PTRH2: variants seen among roughly 807,000 people sequenced by gnomAD.
PTRH2 encodes peptidyl-tRNA hydrolase 2.
A neutral mutation model predicts 12.3 loss-of-function variants in PTRH2; 10 were observed. That is an observed-to-expected ratio of 0.81 (90% CI 0.50 to 1.38). The LOEUF (loss-of-function observed/expected upper bound fraction) is 1.38, where lower values mean the gene tolerates loss of function less well. PTRH2 is among the 40% of genes most tolerant of loss of function. The pLI, the probability that PTRH2 is intolerant of heterozygous loss-of-function variation, is 0.00. For missense variants in PTRH2, 176 were observed against 214.1 expected, an observed-to-expected ratio of 0.82 and a Z score of 1.11; for synonymous variants, 73 against 77.4, an observed-to-expected ratio of 0.94 and a Z score of 0.30.
chr17:59,697,876 C>A lies in PTRH2; in HGVS notation c.103G>T (p.Val35Leu), dbSNP rs1211928493. 2 of 1,614,174 alleles carry A rather than the reference C, an allele frequency of 1.2e-6. No individual in the cohort carries two copies. Among genetic ancestry groups the A allele is most frequent in the African/African-American group, 1.3e-5 (1 of 75,042 alleles). ...CTTTTGGGGAGCATCCCAAAGCATA[C>A]TCGAAGGCTCCAGCCCAGGCACATG... ...CGMCLGWSLR[V>L]CFGMLPKSKT... Residue 35 changes from valine to leucine, a missense_variant, in exon 2 of 2, where the codon GTA becomes TTA. Val to Leu is a conservative substitution (Grantham distance 32, BLOSUM62 1). Coordinates refer to ENST00000393038, the MANE Select transcript of PTRH2 (RefSeq NM_016077.5).
intron 1 of PTRH2, among the ~76,000 whole-genome samples, chr17:59,703,822 T>C (rs1209059236): frequency 1.7e-5 from 2 of 121,004 alleles, no homozygotes; most frequent in Non-Finnish European, 3.5e-5. Flanking sequence ...TTGTTCTTTT[T>C]TTTGGAGACG....
chr17:59,699,858 T>C (rs2033524297), intron 1 of PTRH2: 1 of 152,664 alleles, frequency 6.6e-6, no homozygotes, highest in Non-Finnish European at 1.5e-5. Flanking sequence ...CTTCTTCATC[T>C]CACCAGAAAC....
intron 1 of PTRH2, chr17:59,699,847 T>C (rs1304696368): frequency 6.5e-6 from 1 of 152,742 alleles, no homozygotes; most frequent in African/African-American, 2.4e-5. Context: ...ATTGCCTTCC[T>C]CTTCTTCATC....
At chr17:59,698,678 CA>C (rs1216990226) in intron 1 of PTRH2, 14 of 539,198 alleles carry the variant, frequency 2.6e-5, no homozygotes, top group Non-Finnish European at 3.9e-5. Flanking sequence ...TACTGTAAGC[CA>C]AAAATGCATT....
chr17:59,699,080 T>C, intron 1 of PTRH2: 1 of 562,920 alleles, frequency 1.8e-6, no homozygotes, highest in Non-Finnish European at 3.2e-6. Flanking sequence ...AGATACCAAG[T>C]TTTGACCGTA....
chr17:59,701,917 G>A (rs1011164470), intron 1 of PTRH2, among the ~76,000 whole-genome samples: 15 of 150,972 alleles, frequency 9.9e-5, no homozygotes, highest in Admixed American at 7.9e-4. Flanking sequence ...TGTTAGCCAG[G>A]ATGGTCTCAA....
At chr17:59,707,088 T>G (rs757861282) in intron 1 of PTRH2, 6 of 152,286 alleles carry the variant, frequency 3.9e-5, no homozygotes, top group Non-Finnish European at 7.4e-5. Context: ...GCTCGCTATT[T>G]TATCAATTTC....
intron 1 of PTRH2, chr17:59,698,793 CT>C: frequency 1.5e-6 from 1 of 689,034 alleles, no homozygotes; most frequent in South Asian, 1.6e-5. Context: ...ACACGAGGCT[CT>C]TTTATAATAG....
At position 59,697,310 on chromosome 17, in the gene PTRH2, A is replaced by C; in HGVS notation, c.*129T>G. On this transcript the variant is annotated 3_prime_UTR_variant, in exon 2 of 2. Coordinates refer to ENST00000393038, the MANE Select transcript of PTRH2 (RefSeq NM_016077.5). ...CAAGATGACAACTGCCAACCATAGAACATGGGAATAGGTTTTATTTTCATC... is the reference window on the plus strand; with the variant it reads ...CAAGATGACAACTGCCAACCATAGACCATGGGAATAGGTTTTATTTTCATC... 1 of 1,133,744 alleles carries C rather than the reference A, an allele frequency of 8.8e-7. No individual in the cohort carries two copies. The highest frequency in any genetic ancestry group is 1.6e-5 in the South Asian group (1 of 60,752). The allele number at this position is 1,133,744 out of a possible 1,614,324, so 70.2% of individuals were successfully genotyped here.
At chr17:59,700,643 A>T (rs1367831803) in intron 1 of PTRH2, 2 of 152,236 alleles carry the variant, frequency 1.3e-5, no homozygotes, top group Non-Finnish European at 2.9e-5. Context: ...AAGAAAAAGC[A>T]ATGGATATAA....
chr17:59,698,265 T>C, intron 1 of PTRH2: 1 of 412,320 alleles, frequency 2.4e-6, no homozygotes, highest in East Asian at 4.3e-5. Flanking sequence ...TCCCTTAGTC[T>C]TGTGGAGATG....
intron 1 of PTRH2, among the ~76,000 whole-genome samples, chr17:59,702,485 A>G (rs1443173522): frequency 6.6e-6 from 1 of 151,998 alleles, no homozygotes; most frequent in Non-Finnish European, 1.5e-5. Flanking sequence ...TACAGATAAA[A>G]CTTCACTCAG....
chr17:59,697,624 T>G lies in PTRH2; in HGVS notation c.355A>C (p.Lys119Gln), dbSNP rs566455259. ...EYCGQPKVVVKAPDEETLIAL... is the reference protein window; with the variant it reads ...EYCGQPKVVVQAPDEETLIAL... ...ATCAGGGTTTCTTCATCAGGAGCTT[T>G]GACCACCACCTTGGGCTGGCCACAG... Residue 119 changes from lysine to glutamine, a missense_variant, in exon 2 of 2, where the codon AAA becomes CAA. Coordinates refer to ENST00000393038, the MANE Select transcript of PTRH2 (RefSeq NM_016077.5). 2.2e-5 allele frequency: 35 copies of G among 1,614,236 alleles called. No homozygotes were observed. In the South Asian group the frequency reaches 3.6e-4, roughly 17 times the overall value.
chr17:59,705,425 A>T (rs891603625), intron 1 of PTRH2, among the ~76,000 whole-genome samples: 1 of 150,718 alleles, frequency 6.6e-6, no homozygotes, highest in South Asian at 2.1e-4. Context: ...CTTTTTCTTT[A>T]TTTTTTTTTA....
At chr17:59,699,143 C>T (rs2033509035) in intron 1 of PTRH2, 1 of 321,592 alleles carries the variant, frequency 3.1e-6, no homozygotes, top group South Asian at 3.4e-5. Flanking sequence ...CAAGAGCATC[C>T]TGTATCTGCG....
chr17:59,702,824 A>G (rs939570703), intron 1 of PTRH2, among the ~76,000 whole-genome samples: 2 of 152,212 alleles, frequency 1.3e-5, no homozygotes, highest in African/African-American at 4.8e-5. Flanking sequence ...CTTTACCCAT[A>G]CAAACATTCT....
In PTRH2 at chr17:59,697,799, T is replaced by A. The variant is rs1393577280; in HGVS notation, c.180A>T (p.Gly60=). Residue 60 remains glycine, a synonymous_variant, in exon 2 of 2, where the codon GGA becomes GGT. Coordinates refer to ENST00000393038, the MANE Select transcript of PTRH2 (RefSeq NM_016077.5). ...GAATCATCTTGTACTCCCCGCTGTC[T>A]CCCAAGATGCTTGCTTCACTTTCAG... is the stretch of plus-strand genomic sequence containing the variant. The part of the protein sequence containing the change: ...TDTESEASIL[G]DSGEYKMILV... 1.2e-6 allele frequency: 2 copies of A among 1,614,176 alleles called. No individual in the cohort carries two copies. The highest frequency in any genetic ancestry group is 2.2e-5 in the South Asian group (2 of 91,084).
intron 1 of PTRH2, chr17:59,700,411 T>G (rs1476389699): frequency 6.6e-6 from 1 of 152,234 alleles, no homozygotes; most frequent in Non-Finnish European, 1.5e-5. Context: ...ATATTTGTAA[T>G]GCACTGTATT....
chr17:59,702,729 A>G (rs1017234886), intron 1 of PTRH2, among the ~76,000 whole-genome samples: 8 of 152,236 alleles, frequency 5.3e-5, no homozygotes, highest in Non-Finnish European at 1.0e-4. Context: ...TTCAAGGTAA[A>G]TAGAGCTGGT....
Sources: gnomAD v4.1 joint callset for allele counts (sites outside exome capture counted in the v4.1 genomes callset) on GRCh38, gnomAD v4.1.1 for gene constraint, MANE v1.5 for transcripts, NCBI Gene and HGNC (gene_info 2026-07-23, HGNC 2026-07-21) for gene names.